Variants in HSD17B12 observed in about 807,000 individuals in gnomAD.
The protein encoded by HSD17B12 is very-long-chain 3-oxoacyl-CoA reductase.
Under a neutral mutation model 39.3 loss-of-function variants are expected in HSD17B12, and 32 were observed. That is an observed-to-expected ratio of 0.81 (90% CI 0.61 to 1.09). The LOEUF (loss-of-function observed/expected upper bound fraction) is 1.09, where lower values mean the gene tolerates loss of function less well. Ranked by LOEUF, HSD17B12 falls within the 50% of genes least tolerant of loss-of-function variation. The pLI is 0.00. For missense variants in HSD17B12, 342 were observed against 382.9 expected (o/e 0.89, Z 0.89); for synonymous variants, 150 against 146.7 (o/e 1.02, Z -0.16).
chr11:43,768,869 A>C (rs60029957), intron 3 of HSD17B12, among the ~76,000 whole-genome samples: 9 of 149,458 alleles, frequency 6.0e-5, no homozygotes, highest in East Asian at 2.0e-4. Context: ...GTCCATTTTA[A>C]AGAGTGCTGA....
chr11:43,750,877 T>G (rs1315619346), intron 1 of HSD17B12, 34 bp from the exon 2 acceptor site: 2 of 1,535,968 alleles, frequency 1.3e-6, no homozygotes, highest in South Asian at 2.3e-5. Context: ...AATGTAATTC[T>G]TAGACTAAAC....
intron 3 of HSD17B12, among the ~76,000 whole-genome samples, chr11:43,771,700 C>T (rs1397122150): frequency 2.0e-5 from 3 of 152,178 alleles, no homozygotes; most frequent in Admixed American, 6.5e-5. Context: ...CTCCTGACCT[C>T]AAGTGATCGA....
chr11:43,631,555 G>GTGTC, the HSD17B12 span, among the ~76,000 whole-genome samples: 1 of 151,046 alleles, frequency 6.6e-6, no homozygotes, highest in Non-Finnish European at 1.5e-5. Context: ...GTGTGTGTGT[G>GTGTC]TCTCTCTCTC....
the HSD17B12 span, among the ~76,000 whole-genome samples, chr11:43,577,844 A>C: frequency 6.6e-6 from 1 of 152,210 alleles, no homozygotes; most frequent in African/African-American, 2.4e-5. Context: ...AGTCTAAATC[A>C]GCCTGAAGGG....
intron 3 of HSD17B12, among the ~76,000 whole-genome samples, chr11:43,759,746 G>C (rs1399492678): frequency 1.3e-5 from 2 of 149,602 alleles, no homozygotes; most frequent in Admixed American, 6.6e-5. Context: ...TTTCTTTTTT[G>C]AGACAGAGTC....
chr11:43,745,086 C>G (rs1192972691), intron 1 of HSD17B12, among the ~76,000 whole-genome samples: 1 of 152,172 alleles, frequency 6.6e-6, no homozygotes, highest in South Asian at 2.1e-4. Context: ...GAGGATCTGG[C>G]TGGTGCACTA....
At position 43,722,997 on chromosome 11, in the gene HSD17B12, A is replaced by T. The variant is rs138675788; in HGVS notation, c.161-27914A>T. On this transcript the variant is annotated intron_variant, in intron 1 of 10. Coordinates refer to ENST00000278353, the MANE Select transcript of HSD17B12 (RefSeq NM_016142.3). The stretch of plus-strand genomic sequence containing the variant: ...TAGACTAGTGGCCACAGGTGGAAGC[A>T]GAATGGTCATTTAAAATTTTCTATT... Among the ~76,000 whole-genome samples the T allele has an allele frequency of 4.4e-4, 67 of 152,344 alleles. 1 individual carries two copies. The East Asian group carries it at 9.4e-3, about 21-fold the overall frequency.
chr11:43,721,401 C>T (rs554734279), intron 1 of HSD17B12, among the ~76,000 whole-genome samples: 2 of 151,946 alleles, frequency 1.3e-5, no homozygotes, highest in Admixed American at 6.6e-5. Context: ...GGCAGATCAC[C>T]AGGTCAGGAG....
At chr11:43,605,828 G>C in the HSD17B12 span, among the ~76,000 whole-genome samples, 5 of 152,168 alleles carry the variant, frequency 3.3e-5, no homozygotes, top group Non-Finnish European at 5.9e-5. Flanking sequence ...GTGTGCCACA[G>C]TTCCTTGCAT....
intron 1 of HSD17B12, among the ~76,000 whole-genome samples, chr11:43,715,037 G>A (rs1827883749): frequency 1.3e-5 from 2 of 152,048 alleles, no homozygotes; most frequent in African/African-American, 2.4e-5. Flanking sequence ...GAGACGATGG[G>A]GTTTTCTAGA....
intron 7 of HSD17B12, among the ~76,000 whole-genome samples, chr11:43,835,455 C>G (rs552670533): frequency 1.6e-4 from 25 of 152,182 alleles, no homozygotes; most frequent in African/African-American, 6.0e-4. Context: ...GTGATTCAGA[C>G]AGAACTAAGT....
intron 9 of HSD17B12, among the ~76,000 whole-genome samples, chr11:43,849,510 T>C (rs1156647996): frequency 6.6e-6 from 1 of 152,186 alleles, no homozygotes; most frequent in Non-Finnish European, 1.5e-5. Context: ...GAGGATGCCT[T>C]CACCTCAGGG....
chr11:43,665,769 G>A, the HSD17B12 span, among the ~76,000 whole-genome samples: 7 of 151,968 alleles, frequency 4.6e-5, no homozygotes, highest in Admixed American at 2.6e-4. Flanking sequence ...GCACACACGC[G>A]CATGCACACA....
chr11:43,594,502 A>T, the HSD17B12 span, among the ~76,000 whole-genome samples: 1 of 151,776 alleles, frequency 6.6e-6, no homozygotes, highest in Non-Finnish European at 1.5e-5. Flanking sequence ...TCAAAATTTT[A>T]TGAACTGATT....
chr11:43,686,274 A>G (rs546281689), intron 1 of HSD17B12, among the ~76,000 whole-genome samples: 98 of 152,352 alleles, frequency 6.4e-4, no homozygotes, highest in African/African-American at 2.2e-3. Flanking sequence ...AGGTGAGGGA[A>G]GGCAGAGAAA....
At chr11:43,631,649 C>A in the HSD17B12 span, among the ~76,000 whole-genome samples, 1 of 152,038 alleles carries the variant, frequency 6.6e-6, no homozygotes, top group African/African-American at 2.4e-5. Context: ...CTGTCTCTCT[C>A]TCTCTCTCCC....
At chr11:43,854,634 A>G in intron 9 of HSD17B12, 81 bp from the exon 10 acceptor site, 1 of 1,420,818 alleles carries the variant, frequency 7.0e-7, no homozygotes, top group Non-Finnish European at 9.7e-7. Flanking sequence ...CACTAAGAGC[A>G]GTCAAGCACC....
At chr11:43,703,256 G>A (rs1305939458) in intron 1 of HSD17B12, among the ~76,000 whole-genome samples, 3 of 151,864 alleles carry the variant, frequency 2.0e-5, no homozygotes, top group African/African-American at 4.8e-5. Context: ...GTGCAGTGGC[G>A]GGATCTTGGC....
chr11:43,695,634 T>A (rs1949904143), intron 1 of HSD17B12, among the ~76,000 whole-genome samples: 1 of 152,138 alleles, frequency 6.6e-6, no homozygotes, highest in Admixed American at 6.5e-5. Flanking sequence ...ATGATGATTC[T>A]TAAAGAGGCA....
Sources: gnomAD v4.1 joint callset for allele counts (sites outside exome capture counted in the v4.1 genomes callset) on GRCh38, gnomAD v4.1.1 for gene constraint, MANE v1.5 for transcripts, NCBI Gene and HGNC (gene_info 2026-07-23, HGNC 2026-07-21) for gene names.